The following ALG13 variants were observed in gnomAD, a reference collection of about 807,000 sequenced individuals.
ALG13 encodes the protein UDP-N-acetylglucosamine transferase subunit ALG13.
In ALG13, 11 loss-of-function variants were observed where a neutral mutation model predicts 87.8. The ratio of observed to expected loss-of-function variants is 0.13; its 90% CI spans 0.08 to 0.21. ALG13 has a LOEUF of 0.21. Ranked by LOEUF, ALG13 falls within the 10% of genes least tolerant of loss-of-function variation. The pLI is 1.00. For synonymous variants in ALG13, 320 were observed against 306.3 expected, an observed-to-expected ratio of 1.04 and a Z score of -0.47; for missense variants, 756 against 866.1, an observed-to-expected ratio of 0.87 and a Z score of 1.60.
intron 3 of ALG13, among the ~76,000 whole-genome samples, chrX:111,702,217 T>C (rs1470572440): frequency 5.4e-5 from 6 of 111,995 alleles, no homozygotes; most frequent in Non-Finnish European, 1.1e-4. Context: ...GTCTAATGTT[T>C]CCTAATTGAT....
chrX:111,751,129 C>T (rs751873326), intron 24 of ALG13, among the ~76,000 whole-genome samples: 163 of 93,885 alleles, frequency 1.7e-3, no homozygotes, highest in Non-Finnish European at 2.7e-3. Context: ...AGTGCAGTGG[C>T]GCGAGCTCAG....
chrX:111,725,986 C>T (rs1406237340), intron 15 of ALG13, among the ~76,000 whole-genome samples: 1 of 112,210 alleles, frequency 8.9e-6, no homozygotes, highest in Admixed American at 9.4e-5. Flanking sequence ...CTCTTTGGCC[C>T]AGGCCGGACT....
intron 4 of ALG13, 60 bp from the exon 5 acceptor site, chrX:111,708,905 T>C (rs1569515599): frequency 1.3e-6 from 1 of 775,652 alleles, no homozygotes. Flanking sequence ...ATAGTCTTGA[T>C]TTAGAAGTGC....
At chrX:111,701,079 A>T (rs777780726) in intron 3 of ALG13, among the ~76,000 whole-genome samples, 91 of 111,141 alleles carry the variant, frequency 8.2e-4, no homozygotes, top group Non-Finnish European at 1.3e-3. Flanking sequence ...AGCATGGGGA[A>T]TGAGTCTTGT....
rs368731916 is a variant in ALG13, at chrX:111,696,015, A to G, written c.383+10912A>G. Among the ~76,000 whole-genome samples, 28 of 111,988 alleles carry G rather than the reference A, an allele frequency of 2.5e-4. No individual in the cohort carries two copies. In the East Asian group the frequency reaches 6.7e-3, roughly 27 times the overall value. ...TGCTTCATGTTATTTGGTACTAAAA[A>G]TAATTGAAGTAAGTTATTTAGGGCT... On this transcript the variant is annotated intron_variant, in intron 3 of 26. Transcript: ENST00000394780.
At position 111,757,429 on chromosome X, in the gene ALG13, A is replaced by G; in HGVS notation, c.2974-159A>G. 3 of 383,472 alleles carry G rather than the reference A, an allele frequency of 7.8e-6. No individual in the cohort carries two copies. In the South Asian group the frequency reaches 2.0e-4, roughly 26 times the overall value. 31.6% of individuals were successfully genotyped at this position (383,472 alleles called of 1,213,427 possible). A position where few individuals can be genotyped will look rare whatever the true frequency, so the allele number is the denominator to read the frequency against. On this transcript the variant is annotated intron_variant, in intron 25 of 26. Coordinates refer to ENST00000394780, the MANE Select transcript of ALG13 (RefSeq NM_001099922.3). Reference sequence around the variant, plus strand: ...ATCCTAAAGTTCTAATAGAGAACAGACTGTCAAGTTTTTAGGTCAAAAAAG... The same window carrying G: ...ATCCTAAAGTTCTAATAGAGAACAGGCTGTCAAGTTTTTAGGTCAAAAAAG...
At chrX:111,688,988 A>C in intron 3 of ALG13, 1 of 741,920 alleles carries the variant, frequency 1.3e-6, no homozygotes, top group Non-Finnish European at 1.6e-6. Flanking sequence ...TTCCATTCCA[A>C]TCATATTATC....
intron 24 of ALG13, among the ~76,000 whole-genome samples, chrX:111,748,037 C>T (rs1944399058): frequency 8.9e-6 from 1 of 111,839 alleles, no homozygotes; most frequent in Admixed American, 9.5e-5. Context: ...TTTGCATTTC[C>T]CTTATGAAAT....
intron 8 of ALG13, among the ~76,000 whole-genome samples, chrX:111,716,267 A>G (rs780613054): frequency 9.0e-6 from 1 of 111,659 alleles, no homozygotes; most frequent in Non-Finnish European, 1.9e-5. Flanking sequence ...CCCACTCCCA[A>G]CCACCCACAA....
chrX:111,725,627 G>T (rs1314614899), intron 15 of ALG13, among the ~76,000 whole-genome samples: 2 of 111,748 alleles, frequency 1.8e-5, no homozygotes, highest in African/African-American at 3.3e-5. Context: ...CCAACATAAA[G>T]AATTTGTAAA....
At chrX:111,683,063 A>T (rs1238237036) in intron 2 of ALG13, among the ~76,000 whole-genome samples, 1 of 109,808 alleles carries the variant, frequency 9.1e-6, no homozygotes, top group African/African-American at 3.3e-5. Context: ...AATAGACATT[A>T]CCAACAGATT....
intron 3 of ALG13, 42 bp from the exon 4 acceptor site, chrX:111,707,985 C>T (rs1221360470): frequency 4.3e-6 from 5 of 1,164,171 alleles, no homozygotes; most frequent in Admixed American, 2.5e-5. Flanking sequence ...AGTCTGAGTT[C>T]CCTATTCCTA....
chrX:111,690,195 A>G (rs965813210), intron 3 of ALG13: 32 of 751,140 alleles, frequency 4.3e-5, no homozygotes, highest in South Asian at 3.4e-4. Context: ...TGTTTGCTCT[A>G]TTTGTTTGGT....
chrX:111,748,822 C>T (rs1451776851), intron 24 of ALG13, among the ~76,000 whole-genome samples: 1 of 111,263 alleles, frequency 9.0e-6, no homozygotes, highest in Admixed American at 9.6e-5. Flanking sequence ...GTGGCTGGCA[C>T]CTGTAATCCT....
chrX:111,723,719 A>G (rs1569518549), intron 13 of ALG13, 79 bp from the exon 14 acceptor site: 6 of 598,359 alleles, frequency 1.0e-5, no homozygotes, highest in East Asian at 7.5e-5. Context: ...ACTGAACTCC[A>G]TTTGGGGAAA....
At chrX:111,690,821 CTTTAATA>C (rs1246506741) in intron 3 of ALG13, among the ~76,000 whole-genome samples, 1 of 110,951 alleles carries the variant, frequency 9.0e-6, no homozygotes, top group Admixed American at 9.6e-5. Context: ...TTGTTTGCCA[CTTTAATA>C]TTTAGTTTGA....
intron 22 of ALG13, among the ~76,000 whole-genome samples, chrX:111,736,095 G>C (rs768530558): frequency 1.3e-4 from 14 of 111,467 alleles, no homozygotes; most frequent in Non-Finnish European, 2.1e-4. Context: ...CTTGAGCCCA[G>C]GGGTTCAACA....
chrX:111,759,646 C>A, intron 26 of ALG13, 88 bp from the exon 27 acceptor site: 1 of 772,028 alleles, frequency 1.3e-6, no homozygotes, highest in Non-Finnish European at 1.8e-6. Flanking sequence ...TTTATTTTCA[C>A]ACATAAGAAC....
rs1244741380 is a variant in ALG13 at position 111,759,743 on chromosome X, C to T, written c.3158C>T (p.Pro1053Leu). The T allele has an allele frequency of 1.7e-6, 2 of 1,202,869 alleles. No homozygotes were observed. Among genetic ancestry groups the T allele is most frequent in the Non-Finnish European group, 2.2e-6 (2 of 890,440 alleles). Residue 1053 changes from proline to leucine, a missense_variant, in exon 27 of 27, where the codon CCG becomes CTG. Transcript: ENST00000394780. ...QAEASANDTF[P>L]NADSSSVPHG... is the part of the protein sequence containing the mutation. ...ACATCCTTTCTTTCAGATACTTTTC[C>T]GAATGCTGATTCTTCATCTGTCCCT...
Sources: allele counts gnomAD v4.1 joint callset (sites outside exome capture counted in the v4.1 genomes callset), GRCh38; gene constraint gnomAD v4.1.1; transcripts MANE v1.5; gene names NCBI Gene and HGNC (gene_info 2026-07-23, HGNC 2026-07-21).